The following CMIP variants were observed in gnomAD, a reference collection of about 807,000 sequenced individuals.
CMIP encodes the protein C-Maf-inducing protein.
CMIP carries 13 observed loss-of-function variants against 97.3 expected under a neutral mutation model. The observed-to-expected ratio is 0.13, with a 90% CI of 0.09 to 0.21. CMIP has a LOEUF of 0.21. Among genes scored for constraint, CMIP ranks in the 10% least tolerant of loss-of-function variants. The pLI is 1.00. For synonymous variants in CMIP, 538 were observed against 436.3 expected (o/e 1.23, Z -2.91); for missense variants, 847 against 1,024.9 (o/e 0.83, Z 2.37).
chr16:81,646,483 T>C (rs900363232), intron 3 of CMIP, among the ~76,000 whole-genome samples: 2 of 152,212 alleles, frequency 1.3e-5, no homozygotes, highest in Non-Finnish European at 2.9e-5. Flanking sequence ...AATAGCATTA[T>C]TGAAATGGAA....
At chr16:81,680,265 T>G (rs906811937) in intron 10 of CMIP, among the ~76,000 whole-genome samples, 1 of 152,190 alleles carries the variant, frequency 6.6e-6, no homozygotes, top group African/African-American at 2.4e-5. Context: ...TTCTGTCATG[T>G]ATGTGTTGTG....
At chr16:81,538,997 A>G (rs2090398103) in intron 1 of CMIP, among the ~76,000 whole-genome samples, 1 of 152,248 alleles carries the variant, frequency 6.6e-6, no homozygotes, top group Non-Finnish European at 1.5e-5. Flanking sequence ...GTCAGACAAC[A>G]GTATTTATAT....
chr16:81,447,353 C>G (rs1003728599), intron 1 of CMIP, among the ~76,000 whole-genome samples: 4 of 151,928 alleles, frequency 2.6e-5, no homozygotes, highest in African/African-American at 9.7e-5. Context: ...AGCCCCTTCT[C>G]CCTCTGGGAG....
intron 10 of CMIP, among the ~76,000 whole-genome samples, chr16:81,687,686 G>A (rs1351891410): frequency 6.6e-6 from 1 of 152,188 alleles, no homozygotes; most frequent in Non-Finnish European, 1.5e-5. Flanking sequence ...CCGTGTGTGA[G>A]TGCTCTGCTG....
At chr16:81,683,942 G>T (rs752530246) in intron 10 of CMIP, among the ~76,000 whole-genome samples, 9 of 150,578 alleles carry the variant, frequency 6.0e-5, no homozygotes, top group Non-Finnish European at 1.3e-4. Flanking sequence ...TGTATTTTTA[G>T]TAGAGATGGG....
intron 8 of CMIP, among the ~76,000 whole-genome samples, chr16:81,670,632 G>A (rs60715853): frequency 1.1e-4 from 15 of 139,634 alleles, no homozygotes; most frequent in Admixed American, 1.4e-4. Context: ...GGGGGGGGGG[G>A]GGTGGTTGCT....
At chr16:81,607,821 C>A (rs764621614) in intron 2 of CMIP, 129 bp downstream of exon 2, 187 of 1,024,582 alleles carry the variant, frequency 1.8e-4, no homozygotes, top group Non-Finnish European at 2.3e-4. Flanking sequence ...TGATTTTATT[C>A]CCCAAGTATA....
intron 1 of CMIP, among the ~76,000 whole-genome samples, chr16:81,531,092 A>C (rs2090225813): frequency 1.3e-5 from 2 of 152,220 alleles, no homozygotes; most frequent in Non-Finnish European, 2.9e-5. Context: ...GGGACTTTGC[A>C]GATGCGACCA....
intron 3 of CMIP, among the ~76,000 whole-genome samples, chr16:81,640,674 C>T (rs1313943336): frequency 3.3e-5 from 5 of 151,596 alleles, no homozygotes; most frequent in Admixed American, 6.6e-5. Context: ...TGATGGTGTC[C>T]GGCTATCCTT....
chr16:81,569,795 C>T (rs8045100), intron 1 of CMIP, among the ~76,000 whole-genome samples: 58,692 of 152,092 alleles, frequency 0.39, 14,258 homozygotes, highest in Non-Finnish European at 0.53. Context: ...CTGGTGTCAA[C>T]CTCTCTGAGA....
intron 1 of CMIP, chr16:81,476,464 C>T (rs1000841480): frequency 2.2e-5 from 18 of 829,056 alleles, no homozygotes; most frequent in African/African-American, 1.3e-4. Context: ...GAAGGAGATG[C>T]GGCCCAAGGG....
chr16:81,670,625 G>T lies in CMIP; in HGVS notation c.929+380G>T, dbSNP rs1007042065. 1.3e-4 allele frequency among the ~76,000 whole-genome samples: 19 copies of T among 147,686 alleles called. 1 individual carries two copies. The highest frequency in any genetic ancestry group is 2.8e-4 in the African/African-American group (11 of 39,922). Reference sequence around the variant, plus strand: ...TTGGTGTTTTGGGTTTTTTTTGGGGGGGGGGGGGGTGGTTGCTTTTGCTTT... The same window carrying T: ...TTGGTGTTTTGGGTTTTTTTTGGGGTGGGGGGGGGTGGTTGCTTTTGCTTT... On this transcript the variant is annotated intron_variant, in intron 8 of 20. Transcript: ENST00000537098.
rs186471552 is a variant in CMIP, at chr16:81,533,502, G to A, written c.301-74065G>A. Among the ~76,000 whole-genome samples the A allele has an allele frequency of 2.1e-3, 318 of 151,890 alleles. 1 individual carries two copies. The highest frequency in any genetic ancestry group is 3.3e-3 in the Non-Finnish European group (221 of 67,966). On this transcript the variant is annotated intron_variant, in intron 1 of 20. Transcript: ENST00000537098. ...ATTTTTATTTTTATTTTTTTGAGAC[G>A]GAGTCTCTTTTTGTCACCCAGGCTG...
chr16:81,666,525 C>G (rs912477990), intron 7 of CMIP: 1 of 152,086 alleles, frequency 6.6e-6, no homozygotes, highest in Non-Finnish European at 1.5e-5. Context: ...TTAATTTTCT[C>G]TATAAAAATC....
chr16:81,474,638 C>T (rs1907774176), intron 1 of CMIP, among the ~76,000 whole-genome samples: 1 of 152,228 alleles, frequency 6.6e-6, no homozygotes, highest in Admixed American at 6.5e-5. Context: ...CACCGCACTT[C>T]TGTGGAAGGG....
At chr16:81,507,206 A>G (rs572644785) in intron 1 of CMIP, among the ~76,000 whole-genome samples, 1 of 152,318 alleles carries the variant, frequency 6.6e-6, no homozygotes, top group Admixed American at 6.5e-5. Flanking sequence ...CAGTGAGCCG[A>G]TTGTGCCACT....
chr16:81,632,526 G>A (rs1167255842), intron 3 of CMIP, among the ~76,000 whole-genome samples: 1 of 152,186 alleles, frequency 6.6e-6, no homozygotes, highest in African/African-American at 2.4e-5. Context: ...AGTTTAAGGT[G>A]GATGGAACTT....
chr16:81,525,678 C>T (rs921406640), intron 1 of CMIP, among the ~76,000 whole-genome samples: 6 of 152,190 alleles, frequency 3.9e-5, no homozygotes, highest in African/African-American at 4.8e-5. Flanking sequence ...TGAGTACATT[C>T]ATATTGTCAT....
chr16:81,534,654 A>C (rs199828039), intron 1 of CMIP, among the ~76,000 whole-genome samples: 3 of 150,266 alleles, frequency 2.0e-5, no homozygotes, highest in Non-Finnish European at 3.0e-5. Flanking sequence ...AAAAAAAAAA[A>C]CAAAACTATA....
Sources: gnomAD v4.1 joint callset for allele counts (sites outside exome capture counted in the v4.1 genomes callset) on GRCh38, gnomAD v4.1.1 for gene constraint, MANE v1.5 for transcripts, NCBI Gene and HGNC (gene_info 2026-07-23, HGNC 2026-07-21) for gene names.